The following GABBR2 variants were observed in gnomAD, a reference collection of about 807,000 sequenced individuals.
GABBR2 encodes the protein gamma-aminobutyric acid type B receptor subunit 2.
GABBR2 carries 23 observed loss-of-function variants against 105.6 expected under a neutral mutation model. That is an observed-to-expected ratio of 0.22 (90% confidence interval 0.16 to 0.31). The LOEUF (loss-of-function observed/expected upper bound fraction) is 0.31, where lower values mean the gene tolerates loss of function less well. Among genes scored for constraint, GABBR2 ranks in the 10% least tolerant of loss-of-function variants. GABBR2 has a pLI of 1.00. For missense variants in GABBR2, 734 were observed against 1,245.5 expected (o/e 0.59, Z 6.18); for synonymous variants, 478 against 499.7 (o/e 0.96, Z 0.58).
chr9:98,584,542 G>C (rs1829043552), intron 1 of GABBR2, among the ~76,000 whole-genome samples: 2 of 152,014 alleles, frequency 1.3e-5, no homozygotes, highest in Admixed American at 1.3e-4. Flanking sequence ...ACTTAAACAT[G>C]GGAACAGATC....
chr9:98,389,144 G>A lies in GABBR2; in HGVS notation c.1379-140C>T, dbSNP rs1423973755. ...GCACATCTATCTACCGGGTGAGCCA[G>A]ATCCGGTGGTTGGCCAGTCTGCTCA... On this transcript the variant is annotated intron_variant, in intron 9 of 18. Transcript: ENST00000259455. The A allele has an allele frequency of 6.1e-6, 4 of 652,618 alleles. No homozygotes were observed. The Admixed American group carries it at 1.2e-4, about 19-fold the overall frequency. The allele number at this position is 652,618 out of a possible 1,614,324, so 40.4% of individuals were successfully genotyped here.
At position 98,607,664 on chromosome 9, in the gene GABBR2, A is replaced by T. The variant is rs990927374; in HGVS notation, c.322-29592T>A. 1.8e-5 allele frequency: 13 copies of T among 740,766 alleles called. No individual in the cohort carries two copies. The African/African-American group carries it at 2.3e-4, about 13-fold the overall frequency. The allele number at this position is 740,766 out of a possible 1,614,324, so 45.9% of individuals were successfully genotyped here. On this transcript the variant is annotated intron_variant, in intron 1 of 18. Coordinates refer to ENST00000259455, the MANE Select transcript of GABBR2 (RefSeq NM_005458.8). ...GAAGTTGAAAATGGTGAACACTGTG[A>T]TTTTACAATTCTAAGAAATATGTTG...
At chr9:98,543,904 G>GT (rs933932184) in intron 2 of GABBR2, among the ~76,000 whole-genome samples, 4 of 151,738 alleles carry the variant, frequency 2.6e-5, no homozygotes, top group Non-Finnish European at 2.9e-5. Flanking sequence ...GAATTTATCA[G>GT]TTTTTTTCCT....
rs764365066 is a variant in GABBR2 at position 98,577,994 on chromosome 9, C to T, written c.400G>A (p.Val134Ile). 2.9e-5 allele frequency: 46 copies of T among 1,613,864 alleles called. No homozygotes were observed. The highest frequency in any genetic ancestry group is 1.1e-4 in the East Asian group (5 of 44,896). ...GPNHLMVFGG[V>I]CPSVTSIIAE... is the part of the protein sequence containing the mutation. ...ATGATGGATGTGACGGATGGACAGA[C>T]GCCTCCAAACACCATCAAGTGGTTA... Residue 134 changes from valine to isoleucine, a missense_variant, in exon 2 of 19, where the codon GTC becomes ATC. Physicochemically the swap from Val to Ile is conservative, Grantham distance 29 (BLOSUM62 3). Around this residue, in one of 7 missense-constraint regions of GABBR2, gnomAD observed 370 missense variants for 648.9 expected, o/e 0.57. Transcript: ENST00000259455.
intron 7 of GABBR2, among the ~76,000 whole-genome samples, chr9:98,438,176 C>T (rs1396416908): frequency 2.5e-4 from 2 of 8,080 alleles, no homozygotes; most frequent in Non-Finnish European, 6.2e-4. Context: ...TCTACCTATC[C>T]ATCCATCCAT....
At chr9:98,588,709 C>T (rs953130238) in intron 1 of GABBR2, among the ~76,000 whole-genome samples, 4 of 152,190 alleles carry the variant, frequency 2.6e-5, no homozygotes, top group African/African-American at 7.2e-5. Context: ...CTGTTCTTTT[C>T]GGGCACAGGG....
In GABBR2 at chr9:98,363,151, T is replaced by C. The variant is rs56259613; in HGVS notation, c.1771-314A>G. On this transcript the variant is annotated intron_variant, in intron 12 of 18. Coordinates refer to ENST00000259455, the MANE Select transcript of GABBR2 (RefSeq NM_005458.8). ...TAGGTGCTAGTTCTTTTGTCTGGAATACCCTATTCTTTCTATTTGGCAAAC... is the reference window on the plus strand; with the variant it reads ...TAGGTGCTAGTTCTTTTGTCTGGAACACCCTATTCTTTCTATTTGGCAAAC... 0.085 allele frequency among the ~76,000 whole-genome samples: 12,952 copies of C among 152,212 alleles called. 681 individuals are homozygous for C. Among genetic ancestry groups the C allele is most frequent in the African/African-American group, 0.14 (5,981 of 41,510 alleles).
intron 7 of GABBR2, among the ~76,000 whole-genome samples, chr9:98,435,935 C>T (rs1295463416): frequency 6.6e-6 from 1 of 152,016 alleles, no homozygotes; most frequent in African/African-American, 2.4e-5. Flanking sequence ...TCTTTCAAAG[C>T]ACTTTTCACC....
chr9:98,299,490 C>A, intron 16 of GABBR2, 137 bp from the exon 17 acceptor site: 2 of 875,604 alleles, frequency 2.3e-6, no homozygotes, highest in Non-Finnish European at 3.6e-6. Context: ...GGGGTTACTG[C>A]ATTTTGGTGA....
At chr9:98,406,181 G>A (rs746605975) in intron 7 of GABBR2, 40 bp from the exon 8 acceptor site, 2 of 1,268,302 alleles carry the variant, frequency 1.6e-6, no homozygotes, top group Non-Finnish European at 2.2e-6. Context: ...GAATAAAAGA[G>A]AAATGCCACA....
chr9:98,398,912 C>T (rs1832340806), intron 8 of GABBR2, among the ~76,000 whole-genome samples: 1 of 152,222 alleles, frequency 6.6e-6, no homozygotes, highest in East Asian at 1.9e-4. Context: ...GGTACAGTAA[C>T]TGCCAGGGGT....
chr9:98,330,524 G>C (rs933330379), intron 13 of GABBR2, among the ~76,000 whole-genome samples: 1 of 152,106 alleles, frequency 6.6e-6, no homozygotes, highest in Admixed American at 6.6e-5. Context: ...TGAGTTACTT[G>C]CAACCGACAA....
intron 13 of GABBR2, among the ~76,000 whole-genome samples, chr9:98,329,799 T>C (rs1830990776): frequency 6.6e-6 from 1 of 151,976 alleles, no homozygotes; most frequent in Admixed American, 6.5e-5. Flanking sequence ...TGGCTAACAT[T>C]TTGCCATATC....
rs201462929 is a variant in GABBR2, at chr9:98,501,134, C to CG, written c.631-4621_631-4620insC. ...AAGACTAGGAACCACTGCCCCCCCCCCTTCCCCGCCCCCTGCTCCTTTTTT... is the reference window on the plus strand; with the variant it reads ...AAGACTAGGAACCACTGCCCCCCCCCGCTTCCCCGCCCCCTGCTCCTTTTTT... On this transcript the variant is annotated intron_variant, in intron 3 of 18. Transcript: ENST00000259455. Among the ~76,000 whole-genome samples the CG allele has an allele frequency of 1.3e-4, 19 of 145,336 alleles. No homozygotes were observed. The East Asian group carries it at 3.6e-3, about 28-fold the overall frequency.
chr9:98,341,340 A>G (rs1205037706), intron 13 of GABBR2, among the ~76,000 whole-genome samples: 2 of 152,206 alleles, frequency 1.3e-5, no homozygotes, highest in Admixed American at 1.3e-4. Flanking sequence ...GACACCCTTA[A>G]AATGTCTCTC....
intron 1 of GABBR2, among the ~76,000 whole-genome samples, chr9:98,586,667 C>T (rs1032650794): frequency 6.6e-6 from 1 of 152,244 alleles, no homozygotes; most frequent in African/African-American, 2.4e-5. Flanking sequence ...TAATTTTACT[C>T]ATTTCCGAAC....
At chr9:98,676,968 G>T (rs562702145) in intron 1 of GABBR2, among the ~76,000 whole-genome samples, 1 of 152,340 alleles carries the variant, frequency 6.6e-6, no homozygotes, top group East Asian at 1.9e-4. Context: ...GGGCACAGAA[G>T]TCTCTTGTGA....
At chr9:98,698,814 G>T (rs1198023143) in intron 1 of GABBR2, among the ~76,000 whole-genome samples, 1 of 151,974 alleles carries the variant, frequency 6.6e-6, no homozygotes, top group Non-Finnish European at 1.5e-5. Flanking sequence ...CACAATCTTG[G>T]TTATCTAGTT....
intron 7 of GABBR2, among the ~76,000 whole-genome samples, chr9:98,441,449 C>A (rs1335568214): frequency 2.6e-5 from 4 of 152,174 alleles, no homozygotes; most frequent in Admixed American, 6.5e-5. Flanking sequence ...CTCACTGCAA[C>A]CTCCACCTCC....
Sources: gnomAD v4.1 joint callset for allele counts (sites outside exome capture counted in the v4.1 genomes callset) on GRCh38, gnomAD v4.1.1 for gene constraint, gnomAD v4.1.1 regional missense constraint, MANE v1.5 for transcripts, NCBI Gene and HGNC (gene_info 2026-07-23, HGNC 2026-07-21) for gene names.